The following CEP72 variants were observed in gnomAD, a reference collection of about 807,000 sequenced individuals.
CEP72 encodes centrosomal protein of 72 kDa.
A neutral mutation model predicts 65.7 loss-of-function variants in CEP72; 78 were observed. The observed-to-expected ratio is 1.19, with a 90% CI of 0.99 to 1.43. CEP72 has a LOEUF of 1.43. Among genes scored for constraint, CEP72 ranks in the 40% most tolerant of loss-of-function variants. The pLI is 0.00. For missense variants in CEP72, 914 were observed against 832.9 expected (o/e 1.10, Z -1.20); for synonymous variants, 358 against 351.7 (o/e 1.02, Z -0.20).
Position 624,676 on chromosome 5 carries a change from C to A in CEP72, c.512+97C>A. 2.2e-6 allele frequency: 2 copies of A among 900,224 alleles called. No homozygotes were observed. Among genetic ancestry groups the A allele is most frequent in the Non-Finnish European group, 3.6e-6 (2 of 549,444 alleles). The allele number at this position is 900,224 out of a possible 1,614,324, so 55.8% of individuals were successfully genotyped here. On this transcript the variant is annotated intron_variant, in intron 4 of 11. Coordinates refer to ENST00000264935, the MANE Select transcript of CEP72 (RefSeq NM_018140.4). The surrounding 1 kb of genome is among the most constrained non-coding windows in gnomAD (Gnocchi z 4.7). ...TCATTCACTGTGTGCCGGTCACTCT[C>A]CAGGGGCGGACACCAGGAGGGAGGA...
At chr5:676,350 A>G in the CEP72 span, 14 of 151,914 alleles carry the variant, frequency 9.2e-5, no homozygotes, top group Admixed American at 9.2e-4. Context: ...GCAGAGACGG[A>G]ACAGCTGCAA....
chr5:652,881 AG>A, intron 11 of CEP72, 106 bp from the exon 12 acceptor site: 1 of 1,249,352 alleles, frequency 8.0e-7, no homozygotes, highest in Admixed American at 3.1e-5. Context: ...GTGCAGGGCC[AG>A]GGCACCTTCG....
intron 8 of CEP72, 27 bp downstream of exon 8, chr5:639,251 C>T: frequency 1.3e-6 from 2 of 1,535,732 alleles, no homozygotes; most frequent in Non-Finnish European, 1.8e-6. Context: ...ACTGCTCTTG[C>T]CCTGTAGGCA....
downstream of CEP72, chr5:661,561 T>C (rs1029008055): frequency 1.3e-5 from 2 of 152,434 alleles, no homozygotes; most frequent in Non-Finnish European, 2.9e-5. Flanking sequence ...TAGAAGCTAA[T>C]TGGCAGTGCA....
At chr5:640,838 C>T (rs140920863) in intron 9 of CEP72, 55 of 985,470 alleles carry the variant, frequency 5.6e-5, no homozygotes, top group African/African-American at 4.2e-4. Flanking sequence ...CTTCTCTCCC[C>T]GGGCCCAAGG....
downstream of CEP72, among the ~76,000 whole-genome samples, chr5:669,053 C>T (rs570067515): frequency 6.7e-4 from 102 of 152,342 alleles, 1 homozygote; most frequent in African/African-American, 2.2e-3. Context: ...GAAGAAATCG[C>T]GCTGAGAAAC....
intron 1 of CEP72, among the ~76,000 whole-genome samples, chr5:615,227 C>G (rs1280974758): frequency 1.3e-5 from 2 of 151,172 alleles, no homozygotes; most frequent in African/African-American, 4.9e-5. Context: ...CCTCTGCCTC[C>G]CGGGTTCACA....
At position 665,286 on chromosome 5, in the gene CEP72, G is replaced by A. The variant is rs1335924594; in HGVS notation, n.394G>A. 6 of 1,612,858 alleles carry A rather than the reference G, an allele frequency of 3.7e-6. No individual in the cohort carries two copies. The highest frequency in any genetic ancestry group is 1.3e-5 in the African/African-American group (1 of 75,022). ...CGTGAGCCTCGACACTGTGGGCGAC[G>A]AGATGGCTTTCTGCAAGAGGAGCAG... On this transcript the variant is annotated non_coding_transcript_exon_variant, in exon 3 of 5. Coordinates refer to the CEP72 transcript ENST00000514507.
intron 2 of CEP72, among the ~76,000 whole-genome samples, chr5:619,457 A>G (rs751965437): frequency 1.6e-4 from 24 of 152,156 alleles, no homozygotes; most frequent in Non-Finnish European, 3.2e-4. Flanking sequence ...GGAGCTGTGC[A>G]CAACTACCAT....
Position 651,935 on chromosome 5 carries a change from G to A in CEP72, c.1779-1053G>A, listed in dbSNP as rs553668997. On this transcript the variant is annotated intron_variant, in intron 11 of 11. Transcript: ENST00000264935. ...GGGTTCGACCACAGTCTGGTCATAG[G>A]CGTAGCCAGGCTCTGCCCCTTACAG... 5.5e-4 allele frequency among the ~76,000 whole-genome samples: 84 copies of A among 152,206 alleles called. 1 individual carries two copies. Among genetic ancestry groups the A allele is most frequent in the African/African-American group, 2.0e-3 (82 of 41,516 alleles).
Position 639,237 on chromosome 5 carries a change from G to T in CEP72, c.1342+13G>T. On this transcript the variant is annotated intron_variant, in intron 8 of 11. Transcript: ENST00000264935. ...GAGGCATTCCTTGGTGAGTCAGGGC[G>T]GCCACTGCTCTTGCCCTGTAGGCAG... 1 of 1,560,000 alleles carries T rather than the reference G, an allele frequency of 6.4e-7. No homozygotes were observed. Among genetic ancestry groups the T allele is most frequent in the South Asian group, 1.2e-5 (1 of 84,444 alleles).
intron 3 of CEP72, among the ~76,000 whole-genome samples, chr5:622,946 T>A: frequency 6.6e-6 from 1 of 152,278 alleles, no homozygotes; most frequent in East Asian, 1.9e-4. Flanking sequence ...GAGTCTTCAG[T>A]TCTAAATCAT....
At chr5:616,055 T>C (rs1735969660) in intron 1 of CEP72, among the ~76,000 whole-genome samples, 1 of 152,234 alleles carries the variant, frequency 6.6e-6, no homozygotes, top group Admixed American at 6.5e-5. Context: ...CCTAGCCTTT[T>C]CAGTAACTCA....
chr5:617,433 C>T (rs1736064876), intron 1 of CEP72, among the ~76,000 whole-genome samples: 1 of 152,152 alleles, frequency 6.6e-6, no homozygotes, highest in South Asian at 2.1e-4. Context: ...CTTGGGAGGC[C>T]GAGGTGGATG....
At chr5:629,381 T>G (rs1737053441) in intron 4 of CEP72, among the ~76,000 whole-genome samples, 3 of 152,298 alleles carry the variant, frequency 2.0e-5, no homozygotes, top group South Asian at 4.1e-4. Flanking sequence ...CTTTAATTTT[T>G]GAACCAATCC....
Position 637,818 on chromosome 5 carries a change from G to A in CEP72, c.1206G>A (p.Glu402=), listed in dbSNP as rs1737717027. Residue 402 remains glutamate (E), a splice_region_variant and synonymous_variant, in exon 7 of 12, where the codon GAG becomes GAA. Transcript: ENST00000264935. ...CTCGGGGTGTGACCGACACCAGAGA[G>A]GTGAGAGAAGGGCTGGGGAGCAGCA... ...QRSRGVTDTR[E]PSPGSHSALP... The A allele has an allele frequency of 1.9e-6, 3 of 1,546,918 alleles. No homozygotes were observed. Among genetic ancestry groups the A allele is most frequent in the Admixed American group, 2.0e-5 (1 of 51,226 alleles).
intron 1 of CEP72, among the ~76,000 whole-genome samples, chr5:613,916 G>C (rs144784760): frequency 1.1e-4 from 16 of 152,224 alleles, no homozygotes; most frequent in African/African-American, 3.9e-4. Flanking sequence ...CTGTAACCTC[G>C]TGACAAAATC....
At position 627,820 on chromosome 5, in the gene CEP72, T is replaced by C. The variant is rs370056818; in HGVS notation, c.512+3241T>C. On this transcript the variant is annotated intron_variant, in intron 4 of 11. Transcript: ENST00000264935. ...TTTTACTTGGCTTCACATTTACTTA[T>C]ATTAAAACTTTACAGTAGTGTTTGG... is the stretch of plus-strand genomic sequence containing the variant. Among the ~76,000 whole-genome samples the C allele has an allele frequency of 7.0e-4, 107 of 152,320 alleles. 1 individual carries two copies. The highest frequency in any genetic ancestry group is 2.4e-3 in the African/African-American group (98 of 41,576).
downstream of CEP72, among the ~76,000 whole-genome samples, chr5:659,142 C>CT (rs1456522326): frequency 1.3e-5 from 2 of 152,242 alleles, no homozygotes; most frequent in African/African-American, 4.8e-5. Flanking sequence ...CTGTCCCATG[C>CT]TTATGGCATG....
Sources: allele counts gnomAD v4.1 joint callset (sites outside exome capture counted in the v4.1 genomes callset), GRCh38; gene constraint gnomAD v4.1.1; non-coding constraint Gnocchi (gnomAD v3.1); transcripts MANE v1.5; gene names NCBI Gene and HGNC (gene_info 2026-07-23, HGNC 2026-07-21).